The following NSMCE2 variants were observed in gnomAD, a reference collection of about 807,000 sequenced individuals.
The protein encoded by NSMCE2 is E3 SUMO-protein ligase NSE2.
A neutral mutation model predicts 23.8 loss-of-function variants in NSMCE2; 24 were observed. The observed-to-expected ratio is 1.01, with a 90% CI of 0.73 to 1.42. The LOEUF is 1.42. Among genes scored for constraint, NSMCE2 ranks in the 40% most tolerant of loss-of-function variants. The pLI is 0.00. For missense variants in NSMCE2, 284 were observed against 296.5 expected (o/e 0.96, Z 0.31); for synonymous variants, 92 against 94.1 (o/e 0.98, Z 0.13).
intron 5 of NSMCE2, among the ~76,000 whole-genome samples, chr8:125,305,335 G>GC (rs1828717130): frequency 6.6e-6 from 1 of 152,146 alleles, no homozygotes; most frequent in Admixed American, 6.6e-5. Context: ...CATATAGCTA[G>GC]CTAGTCAGTG....
At chr8:125,195,581 A>T (rs945599884) in intron 5 of NSMCE2, among the ~76,000 whole-genome samples, 7 of 152,160 alleles carry the variant, frequency 4.6e-5, no homozygotes, top group East Asian at 3.8e-4. Flanking sequence ...TTGAAACTCG[A>T]TGTTGTACTT....
At chr8:125,316,959 G>T (rs1039258697) in intron 5 of NSMCE2, among the ~76,000 whole-genome samples, 1 of 146,758 alleles carries the variant, frequency 6.8e-6, no homozygotes, top group Non-Finnish European at 1.5e-5. Flanking sequence ...TTGGTTTTTC[G>T]TTTTTTTTTT....
intron 4 of NSMCE2, among the ~76,000 whole-genome samples, chr8:125,162,954 T>C (rs1334704490): frequency 1.3e-5 from 2 of 152,246 alleles, no homozygotes; most frequent in Non-Finnish European, 2.9e-5. Flanking sequence ...AAATCTCATA[T>C]AACAGTTCAA....
intron 5 of NSMCE2, among the ~76,000 whole-genome samples, chr8:125,321,511 A>G (rs1180610152): frequency 6.6e-6 from 1 of 152,232 alleles, no homozygotes; most frequent in Non-Finnish European, 1.5e-5. Flanking sequence ...AAACTGAAGA[A>G]TAGAAAATAT....
chr8:125,193,244 T>C (rs996633130), intron 5 of NSMCE2, among the ~76,000 whole-genome samples: 1 of 152,166 alleles, frequency 6.6e-6, no homozygotes, highest in Non-Finnish European at 1.5e-5. Flanking sequence ...CTCCAACTTA[T>C]CACGACAGAC....
intron 4 of NSMCE2, among the ~76,000 whole-genome samples, chr8:125,153,550 G>T (rs1821155874): frequency 6.6e-6 from 1 of 152,196 alleles, no homozygotes; most frequent in East Asian, 1.9e-4. Context: ...CGATAAGAAT[G>T]AACAGCAGCT....
chr8:125,092,459 A>G (rs1243352840), intron 1 of NSMCE2, among the ~76,000 whole-genome samples: 1 of 152,226 alleles, frequency 6.6e-6, no homozygotes, highest in African/African-American at 2.4e-5. Context: ...TCAGGGTTCT[A>G]GTTTAAGGAG....
chr8:125,318,036 A>C (rs1829276671), intron 5 of NSMCE2, among the ~76,000 whole-genome samples: 1 of 152,250 alleles, frequency 6.6e-6, no homozygotes, highest in African/African-American at 2.4e-5. Flanking sequence ...TATTCTACAA[A>C]ATGAAAGCAC....
chr8:125,178,905 G>A (rs192090805), intron 4 of NSMCE2, among the ~76,000 whole-genome samples: 19 of 152,138 alleles, frequency 1.2e-4, no homozygotes, highest in African/African-American at 4.3e-4. Context: ...TTAAAATGAG[G>A]TCAGTAAGTG....
At chr8:125,344,753 AAAG>A (rs1255516581) in intron 5 of NSMCE2, among the ~76,000 whole-genome samples, 1 of 151,614 alleles carries the variant, frequency 6.6e-6, no homozygotes, top group East Asian at 1.9e-4. Context: ...AAAAAAAAAA[AAAG>A]AAAAGAAAAT....
At chr8:125,108,430 TATCAGC>T (rs1296502541) in intron 3 of NSMCE2, among the ~76,000 whole-genome samples, 1 of 152,230 alleles carries the variant, frequency 6.6e-6, no homozygotes, top group Non-Finnish European at 1.5e-5. Context: ...AGGCAGCCAG[TATCAGC>T]ACTTAAGTGC....
At chr8:125,365,614 G>GGGAGGC (rs1813747552) in intron 7 of NSMCE2, among the ~76,000 whole-genome samples, 1 of 152,146 alleles carries the variant, frequency 6.6e-6, no homozygotes, top group South Asian at 2.1e-4. Context: ...CCAGCACTTT[G>GGGAGGC]GGAGGCCGAG....
intron 5 of NSMCE2, among the ~76,000 whole-genome samples, chr8:125,242,508 T>C (rs1466589344): frequency 6.7e-6 from 1 of 150,318 alleles, no homozygotes. Flanking sequence ...CAAGAAAAGA[T>C]GCCATGCAAA....
intron 5 of NSMCE2, among the ~76,000 whole-genome samples, chr8:125,263,698 C>T (rs1252530790): frequency 1.3e-5 from 2 of 151,158 alleles, no homozygotes; most frequent in African/African-American, 4.9e-5. Flanking sequence ...TGCAGTGAGC[C>T]GAGATCATGG....
chr8:125,145,584 A>C (rs1476413820), intron 3 of NSMCE2, among the ~76,000 whole-genome samples: 1 of 152,186 alleles, frequency 6.6e-6, no homozygotes, highest in Non-Finnish European at 1.5e-5. Context: ...GCTGTAATAA[A>C]TAAACGCTCA....
At chr8:125,143,210 G>T (rs1041281523) in intron 3 of NSMCE2, among the ~76,000 whole-genome samples, 1 of 151,992 alleles carries the variant, frequency 6.6e-6, no homozygotes, top group Non-Finnish European at 1.5e-5. Flanking sequence ...TTTGTGTGTT[G>T]CATTTTGGTG....
At chr8:125,127,272 A>G (rs888208355) in intron 3 of NSMCE2, among the ~76,000 whole-genome samples, 1 of 152,124 alleles carries the variant, frequency 6.6e-6, no homozygotes, top group Admixed American at 6.6e-5. Flanking sequence ...TTTAAAGTGT[A>G]TGTCTTACTG....
chr8:125,172,051 CA>C, intron 4 of NSMCE2, among the ~76,000 whole-genome samples: 1 of 152,208 alleles, frequency 6.6e-6, no homozygotes, highest in Non-Finnish European at 1.5e-5. Context: ...ATTTAATACT[CA>C]AAGGTTAAGT....
intron 5 of NSMCE2, among the ~76,000 whole-genome samples, chr8:125,296,757 A>T (rs1169316553): frequency 6.6e-6 from 1 of 152,168 alleles, no homozygotes; most frequent in Non-Finnish European, 1.5e-5. Context: ...ATTGTTGCTT[A>T]CAAACATAAG....
Sources: gnomAD v4.1 joint callset for allele counts (sites outside exome capture counted in the v4.1 genomes callset) on GRCh38, gnomAD v4.1.1 for gene constraint, MANE v1.5 for transcripts, NCBI Gene and HGNC (gene_info 2026-07-23, HGNC 2026-07-21) for gene names.